The following MFN1 variants were observed in gnomAD, a reference collection of about 807,000 sequenced individuals.
MFN1 encodes the protein mitofusin-1.
MFN1 carries 65 observed loss-of-function variants against 92.4 expected under a neutral mutation model. That is an observed-to-expected ratio of 0.70 (90% CI 0.58 to 0.86). The LOEUF (loss-of-function observed/expected upper bound fraction) is 0.86. Among genes scored for constraint, MFN1 ranks in the 40% least tolerant of loss-of-function variants. The probability of loss-of-function intolerance (pLI) is 0.00; values close to 1 mark genes in which losing one functional copy is unlikely to be tolerated. For missense variants in MFN1, 781 were observed against 868.0 expected, an observed-to-expected ratio of 0.90 and a Z score of 1.26; for synonymous variants, 297 against 300.9, an observed-to-expected ratio of 0.99 and a Z score of 0.13.
At chr3:179,370,392 C>T (rs979415684) in intron 9 of MFN1, among the ~76,000 whole-genome samples, 282 of 87,984 alleles carry the variant, frequency 3.2e-3, no homozygotes, top group Middle Eastern at 8.5e-3. Flanking sequence ...TCACTAAGTT[C>T]TTTTTTTTTT....
At position 179,394,430 on chromosome 3, in the gene MFN1, TTTTGA is replaced by T. The variant is rs1714021532; in HGVS notation, c.*2372_*2376del. The T allele has an allele frequency of 7.2e-6, 1 of 139,540 alleles. No homozygotes were observed. The highest frequency in any genetic ancestry group is 3.1e-5 in the African/African-American group (1 of 32,746). 8.6% of individuals were successfully genotyped at this position (139,540 alleles called of 1,614,324 possible). ...CAACTTTTTTTTTTTTTTTTTTTTT[TTTTGA>T]GACGGAGTCTCGCTCTGTCGCCCAG... is the stretch of plus-strand genomic sequence containing the variant. On this transcript the variant is annotated 3_prime_UTR_variant, in exon 18 of 18. Coordinates refer to ENST00000471841, the MANE Select transcript of MFN1 (RefSeq NM_033540.3).
intron 3 of MFN1, among the ~76,000 whole-genome samples, chr3:179,356,480 A>G (rs78650711): frequency 0.011 from 1,643 of 152,288 alleles, 38 homozygotes; most frequent in African/African-American, 0.038. Flanking sequence ...CTGACATTGA[A>G]CCAAGATGGG....
At chr3:179,373,819 G>C (rs1195570466) in intron 9 of MFN1, among the ~76,000 whole-genome samples, 1 of 151,728 alleles carries the variant, frequency 6.6e-6, no homozygotes, top group South Asian at 2.1e-4. Flanking sequence ...GACTACAAGC[G>C]CGTGCCACCA....
intron 8 of MFN1, 40 bp downstream of exon 8, chr3:179,367,632 T>C (rs1168358822): frequency 6.5e-7 from 1 of 1,531,052 alleles, no homozygotes; most frequent in Non-Finnish European, 8.8e-7. Context: ...AATATAAAAA[T>C]ATTTAAAATT....
intron 14 of MFN1, among the ~76,000 whole-genome samples, chr3:179,384,292 G>GT (rs1183524059): frequency 1.3e-5 from 2 of 152,174 alleles, no homozygotes; most frequent in Non-Finnish European, 2.9e-5. Flanking sequence ...TCATGTACAT[G>GT]TTTTTTATGT....
At position 179,378,463 on chromosome 3, in the gene MFN1, G is replaced by C. The variant is rs766953008; in HGVS notation, c.1432+20G>C. ...TTATTGGTAATATTTATGTCTACAA[G>C]GTCATGTCTGGTTTGTTTTTTCATT... On this transcript the variant is annotated intron_variant, in intron 13 of 17. Transcript: ENST00000471841. 2 of 1,567,536 alleles carry C rather than the reference G, an allele frequency of 1.3e-6. No homozygotes were observed. The highest frequency in any genetic ancestry group is 3.9e-5 in the Admixed American group (2 of 51,384).
At chr3:179,390,550 A>G (rs1262089366) in intron 17 of MFN1, among the ~76,000 whole-genome samples, 1 of 152,220 alleles carries the variant, frequency 6.6e-6, no homozygotes, top group Non-Finnish European at 1.5e-5. Flanking sequence ...AAATCATAAA[A>G]GTAAGATGTC....
chr3:179,366,336 A>G (rs940660693), intron 7 of MFN1, among the ~76,000 whole-genome samples: 5 of 151,804 alleles, frequency 3.3e-5, no homozygotes, highest in African/African-American at 1.2e-4. Flanking sequence ...CTTGGTGTCG[A>G]TTTATACTCC....
At chr3:179,357,728 A>G (rs1331485211) in intron 3 of MFN1, among the ~76,000 whole-genome samples, 1 of 152,218 alleles carries the variant, frequency 6.6e-6, no homozygotes, top group Non-Finnish European at 1.5e-5. Flanking sequence ...CTATGACTGC[A>G]TAACAGATTA....
In MFN1 at chr3:179,370,391, TC is replaced by T. The variant is rs374700336; in HGVS notation, c.975+2289del. On this transcript the variant is annotated intron_variant, in intron 9 of 17. Coordinates refer to ENST00000471841, the MANE Select transcript of MFN1 (RefSeq NM_033540.3). ...ATTTTTGGGGTTTCATTCACTAAGT[TC>T]TTTTTTTTTTTTTTTTTTTTTTTGA... 2.2e-3 allele frequency among the ~76,000 whole-genome samples: 296 copies of T among 131,862 alleles called. 1 individual carries two copies. The highest frequency in any genetic ancestry group is 8.1e-3 in the African/African-American group (277 of 34,164). The allele number at this position is 131,862 out of a possible 152,430, so 86.5% of individuals were successfully genotyped here.
At position 179,349,066 on chromosome 3, in the gene MFN1, G is replaced by A. The variant is rs9859073; in HGVS notation, c.112+103G>A. ...GAACACATGTATAGGGCATTATACT[G>A]TATACTATGAGAAGTACCATAATGA... On this transcript the variant is annotated intron_variant, in intron 2 of 17. Transcript: ENST00000471841. 0.014 allele frequency: 11,962 copies of A among 836,112 alleles called. 966 individuals carry two copies. The African/African-American group carries it at 0.18, about 13-fold the overall frequency. 51.8% of individuals were successfully genotyped at this position (836,112 alleles called of 1,614,324 possible).
intron 9 of MFN1, among the ~76,000 whole-genome samples, chr3:179,373,404 C>A (rs974926108): frequency 2.0e-5 from 3 of 151,904 alleles, no homozygotes; most frequent in Non-Finnish European, 4.4e-5. Flanking sequence ...AGCCTAAAAG[C>A]CATTTATTAA....
intron 4 of MFN1, among the ~76,000 whole-genome samples, chr3:179,359,407 A>T (rs965408039): frequency 1.4e-5 from 2 of 145,672 alleles, no homozygotes; most frequent in African/African-American, 5.1e-5. Flanking sequence ...GGCGTGAGCC[A>T]CTGCACCCGG....
intron 14 of MFN1, among the ~76,000 whole-genome samples, chr3:179,384,930 G>C (rs1331658629): frequency 9.3e-6 from 1 of 107,042 alleles, no homozygotes; most frequent in Non-Finnish European, 1.8e-5. Flanking sequence ...TTTTGAGACT[G>C]AGTTTCACTC....
chr3:179,387,484 T>C (rs1713729378), intron 16 of MFN1, among the ~76,000 whole-genome samples: 1 of 151,884 alleles, frequency 6.6e-6, no homozygotes, highest in East Asian at 1.9e-4. Context: ...AGGCAGAGGT[T>C]GTAGTGAGCC....
rs200209094 is a variant in MFN1, at chr3:179,378,748, A to G, written c.1596A>G (p.Val532=). ...FRFSLGWSSL[V]HRFLGPRNAQ... ...TTTCCCTGGGCTGGTCTTCCCTTGT[A>G]CATCGATTTTTGGGCCCTAGAAATG... Residue 532 remains valine (V), a synonymous_variant, in exon 14 of 18, where the codon GTA becomes GTG. Coordinates refer to ENST00000471841, the MANE Select transcript of MFN1 (RefSeq NM_033540.3). 3.7e-6 allele frequency: 6 copies of G among 1,614,068 alleles called. No homozygotes were observed. Among genetic ancestry groups the G allele is most frequent in the Non-Finnish European group, 5.1e-6 (6 of 1,179,954 alleles).
intron 14 of MFN1, among the ~76,000 whole-genome samples, chr3:179,383,878 C>T (rs1373563291): frequency 2.0e-5 from 3 of 152,130 alleles, no homozygotes; most frequent in Non-Finnish European, 4.4e-5. Flanking sequence ...AAAAATTTAT[C>T]AATTCAGTAA....
At chr3:179,361,903 G>A (rs536927905) in intron 4 of MFN1, among the ~76,000 whole-genome samples, 6 of 152,286 alleles carry the variant, frequency 3.9e-5, no homozygotes, top group African/African-American at 1.4e-4. Context: ...ATTGACTTAG[G>A]ATAATGGCCT....
At position 179,358,159 on chromosome 3, in the gene MFN1, T is replaced by TG. The variant is rs970807118; in HGVS notation, c.249-681_249-680insG. On this transcript the variant is annotated intron_variant, in intron 3 of 17. Coordinates refer to ENST00000471841, the MANE Select transcript of MFN1 (RefSeq NM_033540.3). ...CAGTGTCACTCATTTTGTTTTTTTT[T>TG]TTTTTTTTTGAGACTCAGTCTGGCT... 4.8e-4 allele frequency among the ~76,000 whole-genome samples: 69 copies of TG among 144,328 alleles called. 2 individuals are homozygous for TG. The South Asian group carries it at 0.014, about 30-fold the overall frequency. The allele number at this position is 144,328 out of a possible 152,430, so 94.7% of individuals were successfully genotyped here.
Sources: allele counts gnomAD v4.1 joint callset (sites outside exome capture counted in the v4.1 genomes callset), GRCh38; gene constraint gnomAD v4.1.1; transcripts MANE v1.5; gene names NCBI Gene and HGNC (gene_info 2026-07-23, HGNC 2026-07-21).